TTN: variants seen among roughly 807,000 people sequenced by gnomAD.
TTN encodes the protein connectin.
Under a neutral mutation model 3,223.0 loss-of-function variants are expected in TTN, and 1,525 were observed. That is an observed-to-expected ratio of 0.47 (90% CI 0.45 to 0.49). The LOEUF (loss-of-function observed/expected upper bound fraction) is 0.49. Among genes scored for constraint, TTN ranks in the 20% least tolerant of loss-of-function variants. The probability of loss-of-function intolerance (pLI) is 0.00; values close to 1 mark genes in which losing one functional copy is unlikely to be tolerated. For missense variants in TTN, 40,786 were observed against 43,424.0 expected, an observed-to-expected ratio of 0.94 and a Z score of 5.40; for synonymous variants, 14,094 against 15,161.0, an observed-to-expected ratio of 0.93 and a Z score of 5.17.
intron 213 of TTN, among the ~76,000 whole-genome samples, chr2:178,647,753 T>C (rs2154246375): frequency 6.6e-6 from 1 of 152,288 alleles, no homozygotes; most frequent in Non-Finnish European, 1.5e-5. Context: ...CACTCAATTC[T>C]TATTTACATG....
chr2:178,804,461 C>T (rs914042367), intron 2 of TTN, 91 bp downstream of exon 2: 6 of 1,299,960 alleles, frequency 4.6e-6, no homozygotes, highest in Non-Finnish European at 6.6e-6. Context: ...GAAAGCAGGG[C>T]TTAAACTTGG....
rs727504999 is a variant in TTN at position 178,584,263 on chromosome 2, C to A, written c.65275+13G>T. ...TAAAACAACAACAACAATAAAAAAA[C>A]CCCAAAACTTACCAACTGGCATTCT... On this transcript the variant is annotated intron_variant, in intron 311 of 362. Coordinates refer to ENST00000589042, the MANE Select transcript of TTN (RefSeq NM_001267550.2). 1.0e-5 allele frequency: 16 copies of A among 1,537,074 alleles called. No individual in the cohort carries two copies. Among genetic ancestry groups the A allele is most frequent in the Middle Eastern group, 1.7e-4 (1 of 5,724 alleles).
intron 34 of TTN, 48 bp downstream of exon 34, chr2:178,771,163 A>G: frequency 6.2e-7 from 1 of 1,612,430 alleles, no homozygotes; most frequent in Non-Finnish European, 8.5e-7. Context: ...AACGATAACG[A>G]TCAAGATTGT....
At chr2:178,644,940 A>G (rs2061704008) in intron 217 of TTN, 5 of 239,978 alleles carry the variant, frequency 2.1e-5, no homozygotes, top group Non-Finnish European at 2.4e-5. Context: ...TGGAGTGTCA[A>G]TTAACAGATG....
At chr2:178,701,922 G>T in intron 109 of TTN, 118 bp downstream of exon 109, 1 of 1,097,834 alleles carries the variant, frequency 9.1e-7, no homozygotes, top group Non-Finnish European at 1.3e-6. Flanking sequence ...CAGTTTTATT[G>T]AAAAATATTT....
At position 178,633,590 on chromosome 2, in the gene TTN, C is replaced by T. The variant is rs746571349; in HGVS notation, c.42769G>A (p.Asp14257Asn). ...EITLKCEVSKDVPVKWFKDGE... is the reference protein window; with the variant it reads ...EITLKCEVSKNVPVKWFKDGE... ...TCTTTGAACCATTTCACTGGTACAT[C>T]TTTGCTCACTTCACACTTCAAAGTA... Residue 14257 changes from aspartate (D) to asparagine (N), a missense_variant, in exon 232 of 363, where the codon GAT (aspartate) becomes AAT (asparagine). Coordinates refer to ENST00000589042, the MANE Select transcript of TTN (RefSeq NM_001267550.2). The T allele has an allele frequency of 3.1e-6, 5 of 1,613,234 alleles. No homozygotes were observed. In the African/African-American group the frequency reaches 6.7e-5, roughly 22 times the overall value.
At chr2:178,744,544 T>C in intron 47 of TTN, 1 of 889,214 alleles carries the variant, frequency 1.1e-6, no homozygotes, top group Middle Eastern at 5.8e-4. Flanking sequence ...AACATAAACA[T>C]CACAATAAAA....
Position 178,794,485 on chromosome 2 carries a change from C to A in TTN, c.1312G>T (p.Val438Leu), listed in dbSNP as rs727504795. Residue 438 changes from valine to leucine, a missense_variant, in exon 8 of 363, where the codon GTG (valine) becomes TTG (leucine). Val to Leu is a conservative substitution (Grantham distance 32, BLOSUM62 1). Transcript: ENST00000589042. Reference protein sequence around the residue: ...TVVAAVDMARVREPVISAVEQ... With the variant: ...TVVAAVDMARLREPVISAVEQ... ...ACAGCGCTGATCACTGGTTCTCTCACTCTGGCCATATCAACGGCAGCAACA... is the reference window on the plus strand; with the variant it reads ...ACAGCGCTGATCACTGGTTCTCTCAATCTGGCCATATCAACGGCAGCAACA... 1 of 1,614,088 alleles carries A rather than the reference C, an allele frequency of 6.2e-7. No homozygotes were observed. The highest frequency in any genetic ancestry group is 1.7e-5 in the Admixed American group (1 of 60,016).
rs2058104840 is a variant in TTN, at chr2:178,620,544, T to C, written c.45977A>G (p.Asn15326Ser). The C allele has an allele frequency of 6.2e-7, 1 of 1,612,066 alleles. No homozygotes were observed. Among genetic ancestry groups the C allele is most frequent in the Non-Finnish European group, 8.5e-7 (1 of 1,178,942 alleles). ...KKSVTFWCKV[N>S]RLNVTLKWTK... ...CCACTTCAGTGTTACATTGAGACGATTCACCTTGCACCAGAATGTGACAGA... is the reference window on the plus strand; with the variant it reads ...CCACTTCAGTGTTACATTGAGACGACTCACCTTGCACCAGAATGTGACAGA... Residue 15326 changes from asparagine to serine, a missense_variant, in exon 248 of 363, where the codon AAT (asparagine) becomes AGT (serine). By Grantham distance (46) the Asn-to-Ser change is conservative (BLOSUM62 1). Transcript: ENST00000589042.
At chr2:178,724,780 C>T in intron 71 of TTN, 1 of 354,082 alleles carries the variant, frequency 2.8e-6, no homozygotes. Flanking sequence ...TTGCTGTCGT[C>T]TTATGTAGCA....
chr2:178,602,455 G>C lies in TTN; in HGVS notation c.54947C>G (p.Thr18316Ser), dbSNP rs758527900. The C allele has an allele frequency of 1.3e-4, 211 of 1,612,280 alleles. No homozygotes were observed. The Admixed American group carries it at 3.4e-3, about 26-fold the overall frequency. Reference sequence around the variant, plus strand: ...TTCATTTACTCTTTTCCAGTCAGTAGTACCTTCTTCTTGCATTTCTACAAT... The same window carrying C: ...TTCATTTACTCTTTTCCAGTCAGTACTACCTTCTTCTTGCATTTCTACAAT... ...GYIVEMQEEG[T>S]TDWKRVNEPD... The change falls in exon 283 of 363, where the codon ACT becomes AGT. Residue 18316 changes from threonine to serine, a missense_variant. Coordinates refer to ENST00000589042, the MANE Select transcript of TTN (RefSeq NM_001267550.2).
rs894718715 is a variant in TTN at position 178,777,436 on chromosome 2, C to G, written c.4629G>C (p.Val1543=). 6.2e-7 allele frequency: 1 copy of G among 1,613,568 alleles called. No homozygotes were observed. The highest frequency in any genetic ancestry group is 8.5e-7 in the Non-Finnish European group (1 of 1,179,858). ...TCATTTTACCTTCCACAGTTAAAAT[C>G]ACTGAAATTGAAGATCTGCCTGCCC... The part of the protein sequence containing the change: ...QNRAGRSSIS[V]ILTVEAVEHQ... The change falls in exon 26 of 363, where the codon GTG becomes GTC. Residue 1543 remains valine (V), a synonymous_variant. Coordinates refer to ENST00000589042, the MANE Select transcript of TTN (RefSeq NM_001267550.2).
chr2:178,790,518 C>T (rs1322214658), intron 11 of TTN, among the ~76,000 whole-genome samples, 190 bp downstream of exon 11: 1 of 151,960 alleles, frequency 6.6e-6, no homozygotes, highest in Non-Finnish European at 1.5e-5. Context: ...TAGTAACAAG[C>T]CAAAGAAAGT....
At chr2:178,748,454 A>G (rs772115749) in intron 47 of TTN, 3 of 1,613,000 alleles carry the variant, frequency 1.9e-6, no homozygotes, top group Middle Eastern at 1.7e-4. Flanking sequence ...AGGGCTAGGA[A>G]TTTTTTCTTT....
In TTN at chr2:178,727,608, C is replaced by T; in HGVS notation, c.19970G>A (p.Cys6657Tyr). The T allele has an allele frequency of 1.3e-6, 2 of 1,589,270 alleles. No homozygotes were observed. Among genetic ancestry groups the T allele is most frequent in the Non-Finnish European group, 1.7e-6 (2 of 1,167,992 alleles). The change falls in exon 68 of 363, where the codon TGT becomes TAT. Residue 6657 changes from cysteine (C) to tyrosine (Y), a missense_variant. Physicochemically the swap from Cys to Tyr is radical, Grantham distance 194 (BLOSUM62 -2). Coordinates refer to ENST00000589042, the MANE Select transcript of TTN (RefSeq NM_001267550.2). ...HVTNDVGSDS[C>Y]TTMLLVTEPP... The stretch of plus-strand genomic sequence containing the variant: ...ACCTGTCACAAGCAACATCGTAGTA[C>T]AAGAGTCGCTACCAACATCATTGGT...
rs1364151265 is a variant in TTN, at chr2:178,786,152, G to A, written c.2077-11C>T. 2.5e-6 allele frequency: 4 copies of A among 1,613,154 alleles called. No individual in the cohort carries two copies. The highest frequency in any genetic ancestry group is 2.2e-5 in the South Asian group (2 of 90,976). Reference sequence around the variant, plus strand: ...TTTTCCAACGTCCACCTGGAGACAAGGTTTCCAGAATTAATACATAGGAAT... The same window carrying A: ...TTTTCCAACGTCCACCTGGAGACAAAGTTTCCAGAATTAATACATAGGAAT... On this transcript the variant is annotated splice_polypyrimidine_tract_variant and intron_variant, in intron 13 of 362. Coordinates refer to ENST00000589042, the MANE Select transcript of TTN (RefSeq NM_001267550.2).
intron 316 of TTN, 24 bp downstream of exon 316, chr2:178,581,475 T>C: frequency 6.4e-7 from 1 of 1,551,532 alleles, no homozygotes. Flanking sequence ...AAAAGCCTTA[T>C]GTACTCCCCC....
chr2:178,649,715 T>C lies in TTN; in HGVS notation c.39896-84A>G, dbSNP rs891132144. On this transcript the variant is annotated intron_variant, in intron 211 of 362. Transcript: ENST00000589042. The stretch of plus-strand genomic sequence containing the variant: ...CAAGTTTATTCAACACTGTAACATA[T>C]AGGTAAGAGTTAACAAACATATAAT... The C allele has an allele frequency of 2.6e-6, 4 of 1,534,530 alleles. No individual in the cohort carries two copies. In the African/African-American group the frequency reaches 4.1e-5, roughly 16 times the overall value.
chr2:178,549,906 C>A lies in TTN; in HGVS notation c.91853-37G>T, dbSNP rs890578. The stretch of plus-strand genomic sequence containing the variant: ...AGTTTCTAGAGTTAGTTTCTTTTTC[C>A]TTGTCCATTAAAATACAACTAGGCA... On this transcript the variant is annotated intron_variant, in intron 337 of 362. Coordinates refer to ENST00000589042, the MANE Select transcript of TTN (RefSeq NM_001267550.2). The A allele has an allele frequency of 0.19, 290,424 of 1,536,666 alleles. 33,258 individuals carry two copies. The highest frequency in any genetic ancestry group is 0.62 in the East Asian group (27,199 of 44,192).
Sources: allele counts gnomAD v4.1 joint callset (sites outside exome capture counted in the v4.1 genomes callset), GRCh38; gene constraint gnomAD v4.1.1; transcripts MANE v1.5; gene names NCBI Gene and HGNC (gene_info 2026-07-23, HGNC 2026-07-21).